The following ATG16L2 variants were observed in gnomAD, a reference collection of about 807,000 sequenced individuals.
The protein encoded by ATG16L2 is protein Atg16l2.
ATG16L2 carries 77 observed loss-of-function variants against 84.7 expected under a neutral mutation model. That is an observed-to-expected ratio of 0.91 (90% CI 0.76 to 1.10). The LOEUF (loss-of-function observed/expected upper bound fraction) is 1.10. ATG16L2 is among the 50% of genes least tolerant of loss of function. ATG16L2 has a pLI of 0.00. For missense variants in ATG16L2, 782 were observed against 817.6 expected, an observed-to-expected ratio of 0.96 and a Z score of 0.53; for synonymous variants, 361 against 342.8, an observed-to-expected ratio of 1.05 and a Z score of -0.59.
intron 10 of ATG16L2, among the ~76,000 whole-genome samples, chr11:72,825,928 C>T (rs760777707): frequency 6.6e-6 from 1 of 152,132 alleles, no homozygotes; most frequent in Non-Finnish European, 1.5e-5. Flanking sequence ...TACATAGTCC[C>T]TTCTCCCTGG....
chr11:72,843,475 C>A, exon 6 of ATG16L2: 1 of 1,613,712 alleles, frequency 6.2e-7, no homozygotes, highest in Non-Finnish European at 8.5e-7. Flanking sequence ...ATATCTCCAT[C>A]TTCAATCACT....
chr11:72,826,348 C>G, intron 11 of ATG16L2, 105 bp downstream of exon 11: 1 of 1,434,884 alleles, frequency 7.0e-7, no homozygotes, highest in Non-Finnish European at 9.6e-7. Flanking sequence ...TACCCTAGAA[C>G]CAGGCCCCTG....
chr11:72,837,260 T>C (rs947912299), intron 5 of ATG16L2: 1 of 152,422 alleles, frequency 6.6e-6, no homozygotes. Flanking sequence ...CCCCAAATCA[T>C]GGAGAAGATT....
Position 72,824,789 on chromosome 11 carries a change from A to G in ATG16L2, c.943A>G (p.Ile315Val). ...GGGAGCCCCTGAGCAGCGATACCAGATCATCCCTGTGTGTGTGGCTGCCCG... is the reference window on the plus strand; with the variant it reads ...GGGAGCCCCTGAGCAGCGATACCAGGTCATCCCTGTGTGTGTGGCTGCCCG... ...IGGAPEQRYQ[I>V]IPVCVAARLP... The change falls in exon 9 of 18, where the codon ATC becomes GTC. Residue 315 changes from isoleucine (I) to valine (V), a missense_variant. Ile to Val is a conservative substitution (Grantham distance 29). Coordinates refer to ENST00000321297, the MANE Select transcript of ATG16L2 (RefSeq NM_033388.2). 4 of 1,611,788 alleles carry G rather than the reference A, an allele frequency of 2.5e-6. No individual in the cohort carries two copies. The Middle Eastern group carries it at 6.6e-4, about 266-fold the overall frequency.
chr11:72,816,872 G>A (rs753180635), intron 2 of ATG16L2, 45 bp downstream of exon 2: 2 of 1,529,748 alleles, frequency 1.3e-6, no homozygotes, highest in South Asian at 1.1e-5. Flanking sequence ...GCCTGTGCTG[G>A]GGCCCTGCCC....
intron 1 of ATG16L2, among the ~76,000 whole-genome samples, chr11:72,815,446 C>G (rs1859650521): frequency 6.6e-6 from 1 of 152,190 alleles, no homozygotes; most frequent in South Asian, 2.1e-4. Flanking sequence ...CACACTTCTC[C>G]ACTGCTCAGA....
Position 72,823,080 on chromosome 11 carries a change from C to A in ATG16L2, c.824+119C>A, listed in dbSNP as rs1213602458. 7.3e-6 allele frequency: 5 copies of A among 684,608 alleles called. No homozygotes were observed. The East Asian group carries it at 1.4e-4, about 19-fold the overall frequency. The allele number at this position is 684,608 out of a possible 1,614,324, so 42.4% of individuals were successfully genotyped here. ...GGTTGGGAGGGGGCTTGAGGAGAGG[C>A]CAGAAAGCTCAGATCTCCCAGGGCT... On this transcript the variant is annotated intron_variant, in intron 7 of 17. Transcript: ENST00000321297.
In ATG16L2 at chr11:72,827,229, G is replaced by A; in HGVS notation, c.1408G>A (p.Val470Met). 1 of 1,614,142 alleles carries A rather than the reference G, an allele frequency of 6.2e-7. No homozygotes were observed. Among genetic ancestry groups the A allele is most frequent in the Non-Finnish European group, 8.5e-7 (1 of 1,180,018 alleles). ...INVLSYCNDV[V>M]CGDHIIISGH... ...TGTCCTTTCCTACTGTAATGACGTG[G>A]TGTGTGGGGACCATATCATCATTAG... Residue 470 changes from valine to methionine, a missense_variant, in exon 14 of 18, where the codon GTG becomes ATG. Transcript: ENST00000321297.
chr11:72,822,717 T>A lies in ATG16L2; in HGVS notation c.711-131T>A. 9.6e-7 allele frequency: 1 copy of A among 1,036,620 alleles called. No homozygotes were observed. Among genetic ancestry groups the A allele is most frequent in the Non-Finnish European group, 1.4e-6 (1 of 711,092 alleles). The allele number at this position is 1,036,620 out of a possible 1,614,324, so 64.2% of individuals were successfully genotyped here. On this transcript the variant is annotated intron_variant, in intron 6 of 17. Transcript: ENST00000321297. This position sits in a 1 kb window ranked among gnomAD's most constrained non-coding sequence, Gnocchi z 4.2. ...GTGTGGTCGTAGGAGCCTGCATGCG[T>A]GACCGCTGCACGTGTACACCCACAC...
chr11:72,833,479 TG>T (rs1266720254), downstream of ATG16L2, among the ~76,000 whole-genome samples: 1 of 152,178 alleles, frequency 6.6e-6, no homozygotes, highest in East Asian at 1.9e-4. Flanking sequence ...TAATCTGAGG[TG>T]GCCTGGGGAC....
intron 5 of ATG16L2, chr11:72,842,519 G>A (rs1591330765): frequency 2.8e-6 from 4 of 1,417,374 alleles, no homozygotes; most frequent in Middle Eastern, 2.0e-4. Flanking sequence ...ACCGGTGAGG[G>A]TAAGGCAGAG....
At chr11:72,842,485 T>C (rs1860990652) in intron 5 of ATG16L2, 3 of 988,294 alleles carry the variant, frequency 3.0e-6, no homozygotes, top group Admixed American at 2.7e-5. Context: ...CCAAATGCAG[T>C]TGTGCAGACA....
In ATG16L2 at chr11:72,826,810, C is replaced by T. The variant is rs755289006; in HGVS notation, c.1353C>T (p.Leu451=). 1.1e-4 allele frequency: 171 copies of T among 1,613,686 alleles called. No individual in the cohort carries two copies. Among genetic ancestry groups the T allele is most frequent in the Middle Eastern group, 1.7e-4 (1 of 6,054 alleles). ...SRDRTVKEWD[L]GRAYCSRTIN... ...ACCGGACAGTGAAGGAGTGGGACCT[C>T]GGCCGTGCCTATTGTGAGCCCGAGC... Residue 451 remains leucine, a synonymous_variant, in exon 13 of 18, where the codon CTC becomes CTT. Coordinates refer to ENST00000321297, the MANE Select transcript of ATG16L2 (RefSeq NM_033388.2).
At chr11:72,823,981 C>A in intron 7 of ATG16L2, 79 bp from the exon 8 acceptor site, 1 of 1,524,952 alleles carries the variant, frequency 6.6e-7, no homozygotes, top group Non-Finnish European at 9.1e-7. Context: ...AGGTCTCTGG[C>A]AAAGTGTGGA....
At chr11:72,839,625 C>G (rs920657389) in intron 5 of ATG16L2, among the ~76,000 whole-genome samples, 1 of 152,002 alleles carries the variant, frequency 6.6e-6, no homozygotes, top group Non-Finnish European at 1.5e-5. Context: ...AAGAATGATG[C>G]CAGAACACCA....
At chr11:72,828,555 T>A (rs776537598) in intron 15 of ATG16L2, 47 bp downstream of exon 15, 67 of 1,611,810 alleles carry the variant, frequency 4.2e-5, no homozygotes, top group Non-Finnish European at 5.5e-5. Flanking sequence ...CTGGGACAGC[T>A]GAGCCTCTCT....
intron 3 of ATG16L2, chr11:72,818,107 T>C: frequency 3.9e-6 from 2 of 511,954 alleles, no homozygotes; most frequent in Non-Finnish European, 3.6e-6. Context: ...CCATTTCCCT[T>C]CCACATGGTT....
chr11:72,842,573 A>G, intron 5 of ATG16L2: 2 of 1,610,192 alleles, frequency 1.2e-6, no homozygotes, highest in Non-Finnish European at 1.7e-6. Flanking sequence ...CTTTGGGAGC[A>G]ATTTTCTTTA....
chr11:72,819,619 T>C (rs1859866644), intron 3 of ATG16L2, among the ~76,000 whole-genome samples: 1 of 152,202 alleles, frequency 6.6e-6, no homozygotes, highest in South Asian at 2.1e-4. Flanking sequence ...CACGCTCATC[T>C]CTGAGCTCCC....
Sources: gnomAD v4.1 joint callset for allele counts (sites outside exome capture counted in the v4.1 genomes callset) on GRCh38, gnomAD v4.1.1 for gene constraint, Gnocchi (gnomAD v3.1) non-coding constraint, MANE v1.5 for transcripts, NCBI Gene and HGNC (gene_info 2026-07-23, HGNC 2026-07-21) for gene names.